Variants in DLGAP1 observed in about 807,000 individuals in gnomAD.
The protein encoded by DLGAP1 is disks large-associated protein 1.
A neutral mutation model predicts 90.8 loss-of-function variants in DLGAP1; 11 were observed. That is an observed-to-expected ratio of 0.12 (90% confidence interval 0.08 to 0.20). The LOEUF (loss-of-function observed/expected upper bound fraction) is 0.20, where lower values mean the gene tolerates loss of function less well. Ranked by LOEUF, DLGAP1 falls within the 10% of genes least tolerant of loss-of-function variation. The probability of loss-of-function intolerance (pLI) is 1.00; values close to 1 mark genes in which losing one functional copy is unlikely to be tolerated. For synonymous variants in DLGAP1, 558 were observed against 540.7 expected, an observed-to-expected ratio of 1.03 and a Z score of -0.44; for missense variants, 1,050 against 1,333.8, an observed-to-expected ratio of 0.79 and a Z score of 3.31.
chr18:4,163,045 T>C (rs1204502204), intron 1 of DLGAP1, among the ~76,000 whole-genome samples: 5 of 152,152 alleles, frequency 3.3e-5, no homozygotes, highest in Non-Finnish European at 7.3e-5. Flanking sequence ...ATAGCTGATA[T>C]TCTGTCCCCA....
chr18:4,375,156 A>G (rs2081990079), intron 1 of DLGAP1, among the ~76,000 whole-genome samples: 1 of 152,156 alleles, frequency 6.6e-6, no homozygotes, highest in Non-Finnish European at 1.5e-5. Flanking sequence ...ATGCAATTTT[A>G]TCACTTTACC....
chr18:4,117,820 G>T, intron 2 of DLGAP1, among the ~76,000 whole-genome samples: 1 of 152,132 alleles, frequency 6.6e-6, no homozygotes, highest in East Asian at 1.9e-4. Flanking sequence ...CCTAGGAGTT[G>T]CCTCTGGGTC....
At chr18:3,860,168 C>T (rs1448560246) in intron 4 of DLGAP1, among the ~76,000 whole-genome samples, 1 of 151,984 alleles carries the variant, frequency 6.6e-6, no homozygotes, top group East Asian at 1.9e-4. Flanking sequence ...GTTATTGCAG[C>T]CATAGGAAGT....
chr18:3,638,314 C>A (rs375142854), intron 7 of DLGAP1, among the ~76,000 whole-genome samples: 1 of 148,022 alleles, frequency 6.8e-6, no homozygotes, highest in Non-Finnish European at 1.5e-5. Context: ...GTGGTGCAAT[C>A]ATAGCTCACT....
At chr18:3,568,751 A>G (rs1242265272) in intron 8 of DLGAP1, among the ~76,000 whole-genome samples, 1 of 152,020 alleles carries the variant, frequency 6.6e-6, no homozygotes, top group East Asian at 1.9e-4. Flanking sequence ...CAGTGGCACG[A>G]TCTCGGCTCA....
chr18:4,154,925 A>G (rs765243098), intron 1 of DLGAP1, among the ~76,000 whole-genome samples: 1 of 152,206 alleles, frequency 6.6e-6, no homozygotes, highest in Non-Finnish European at 1.5e-5. Flanking sequence ...GTGAAGACAA[A>G]TAAACAGAAA....
At chr18:4,096,320 T>C (rs763950429) in intron 2 of DLGAP1, among the ~76,000 whole-genome samples, 3 of 152,126 alleles carry the variant, frequency 2.0e-5, no homozygotes, top group Non-Finnish European at 4.4e-5. Context: ...CCACTGCGCC[T>C]GGCCAGAATG....
At chr18:4,389,773 C>T (rs1269423840) in intron 1 of DLGAP1, among the ~76,000 whole-genome samples, 1 of 152,178 alleles carries the variant, frequency 6.6e-6, no homozygotes, top group Non-Finnish European at 1.5e-5. Context: ...AGAGCAACTG[C>T]ATTATTCTGT....
At chr18:3,617,959 C>A (rs2145981953) in intron 7 of DLGAP1, among the ~76,000 whole-genome samples, 2 of 152,032 alleles carry the variant, frequency 1.3e-5, no homozygotes, top group East Asian at 3.9e-4. Context: ...ATTGTTTGAA[C>A]CCGGGAGGCG....
At chr18:4,079,691 A>AATATATATATATATAT (rs10597845) in intron 2 of DLGAP1, among the ~76,000 whole-genome samples, 12 of 146,576 alleles carry the variant, frequency 8.2e-5, no homozygotes, top group African/African-American at 3.0e-4. Flanking sequence ...ATTGAAATTA[A>AATATATATATATATAT]ATATATATAT....
At chr18:3,925,479 G>A (rs1240893216) in intron 3 of DLGAP1, among the ~76,000 whole-genome samples, 3 of 151,892 alleles carry the variant, frequency 2.0e-5, no homozygotes, top group Admixed American at 2.0e-4. Context: ...GGGGTGCCCT[G>A]GCCCTTCCTG....
At chr18:4,420,504 A>AG (rs2083004469) in intron 1 of DLGAP1, among the ~76,000 whole-genome samples, 2 of 152,142 alleles carry the variant, frequency 1.3e-5, no homozygotes, top group Admixed American at 1.3e-4. Context: ...TTCTACTTAT[A>AG]GTTCTCTCTC....
chr18:3,937,586 A>G (rs1028126004), intron 3 of DLGAP1, among the ~76,000 whole-genome samples: 2 of 152,208 alleles, frequency 1.3e-5, no homozygotes, highest in Non-Finnish European at 2.9e-5. Flanking sequence ...GCACACTTAC[A>G]GTTTAGCTAC....
chr18:4,157,794 C>G lies in DLGAP1; in HGVS notation c.-266-6507G>C, dbSNP rs79401238. On this transcript the variant is annotated intron_variant, in intron 1 of 12. Coordinates refer to ENST00000315677, the MANE Select transcript of DLGAP1 (RefSeq NM_004746.4). Reference sequence around the variant, plus strand: ...TCTGGTGAGTTTCAACATGAGAGCACGAGTAAGTGTGCTATGTCTGTGAGT... The same window carrying G: ...TCTGGTGAGTTTCAACATGAGAGCAGGAGTAAGTGTGCTATGTCTGTGAGT... Among the ~76,000 whole-genome samples, 848 of 152,220 alleles carry G rather than the reference C, an allele frequency of 5.6e-3. 9 individuals are homozygous for G. The highest frequency in any genetic ancestry group is 0.017 in the African/African-American group (721 of 41,518).
intron 1 of DLGAP1, among the ~76,000 whole-genome samples, chr18:4,160,861 ATAT>A (rs2076832524): frequency 6.6e-6 from 1 of 152,066 alleles, no homozygotes; most frequent in South Asian, 2.1e-4. Context: ...CTTCATTTAG[ATAT>A]TATTATCATT....
intron 1 of DLGAP1, among the ~76,000 whole-genome samples, chr18:4,201,354 TC>T (rs563002849): frequency 2.6e-5 from 4 of 152,222 alleles, no homozygotes; most frequent in Admixed American, 2.6e-4. Flanking sequence ...ATCCAATTTT[TC>T]CAGCACCGTT....
chr18:3,871,106 T>A (rs1247335518), intron 4 of DLGAP1, among the ~76,000 whole-genome samples: 2 of 152,200 alleles, frequency 1.3e-5, no homozygotes, highest in Non-Finnish European at 2.9e-5. Context: ...ATGTACAACA[T>A]AATGGGAAGA....
chr18:3,672,913 C>T lies in DLGAP1; in HGVS notation c.1591+56222G>A, dbSNP rs117474418. Among the ~76,000 whole-genome samples, 1,449 of 152,276 alleles carry T rather than the reference C, an allele frequency of 9.5e-3. 55 individuals are homozygous for T. Among genetic ancestry groups the T allele is most frequent in the Admixed American group, 0.064 (977 of 15,296 alleles). On this transcript the variant is annotated intron_variant, in intron 7 of 12. Transcript: ENST00000315677. ...TTCCTCTCCATCCCCAGTGCCATGC[C>T]TGGGGCAAGTCCTTATCTCCTCTTG...
chr18:4,102,002 A>G (rs955299352), intron 2 of DLGAP1, among the ~76,000 whole-genome samples: 2 of 150,456 alleles, frequency 1.3e-5, no homozygotes, highest in Non-Finnish European at 3.0e-5. Flanking sequence ...TTTCAGGTGC[A>G]TTGGTATATA....
Sources: gnomAD v4.1 joint callset for allele counts (sites outside exome capture counted in the v4.1 genomes callset) on GRCh38, gnomAD v4.1.1 for gene constraint, MANE v1.5 for transcripts, NCBI Gene and HGNC (gene_info 2026-07-23, HGNC 2026-07-21) for gene names.